DST: variants seen among roughly 807,000 people sequenced by gnomAD.
The protein encoded by DST is bullous pemphigoid antigen.
In DST, 253 loss-of-function variants were observed where a neutral mutation model predicts 875.2. The observed-to-expected ratio is 0.29, with a 90% CI of 0.26 to 0.32. The LOEUF (loss-of-function observed/expected upper bound fraction) is 0.32, where lower values mean the gene tolerates loss of function less well. Ranked by LOEUF, DST falls within the 10% of genes least tolerant of loss-of-function variation. The pLI is 1.00. For synonymous variants in DST, 3,124 were observed against 3,197.1 expected (o/e 0.98, Z 0.77); for missense variants, 8,287 against 9,111.6 (o/e 0.91, Z 3.68).
chr6:56,463,841 C>T (rs754883896), intron 100 of DST, 77 bp from the exon 101 acceptor site: 11 of 1,410,490 alleles, frequency 7.8e-6, no homozygotes, highest in Middle Eastern at 1.7e-4. Flanking sequence ...ATGGGAAGAA[C>T]GGCCACCTGG....
At chr6:56,570,062 A>T in intron 53 of DST, 50 bp from the exon 54 acceptor site, 2 of 1,258,562 alleles carry the variant, frequency 1.6e-6, no homozygotes, top group Non-Finnish European at 2.2e-6. Context: ...AGAAGAATAA[A>T]TAAATTATTA....
At chr6:56,892,674 A>G (rs753575737) in intron 3 of DST, among the ~76,000 whole-genome samples, 7 of 152,168 alleles carry the variant, frequency 4.6e-5, no homozygotes, top group Non-Finnish European at 1.0e-4. Context: ...CCATAAAGTA[A>G]TTATGCCTTA....
chr6:56,916,262 G>A (rs1043420123), intron 2 of DST, among the ~76,000 whole-genome samples: 1 of 152,212 alleles, frequency 6.6e-6, no homozygotes, highest in African/African-American at 2.4e-5. Flanking sequence ...ACAGCCATAA[G>A]AGGTAGAAGC....
At chr6:56,894,362 C>T in intron 3 of DST, among the ~76,000 whole-genome samples, 1 of 106,330 alleles carries the variant, frequency 9.4e-6, no homozygotes, top group Non-Finnish European at 1.8e-5. Context: ...GGGGCTGTTC[C>T]CCCCACCTCC....
At chr6:56,657,369 C>T (rs1028232626) in intron 10 of DST, among the ~76,000 whole-genome samples, 1 of 152,034 alleles carries the variant, frequency 6.6e-6, no homozygotes, top group Non-Finnish European at 1.5e-5. Flanking sequence ...TATGTTTGCC[C>T]AACTCTGGAG....
chr6:56,627,951 T>C, intron 33 of DST, 48 bp downstream of exon 33: 1 of 1,566,266 alleles, frequency 6.4e-7, no homozygotes, highest in African/African-American at 1.4e-5. Context: ...GGAGCATGAC[T>C]GACCAAATGC....
chr6:56,800,023 T>C (rs1271760719), intron 4 of DST, among the ~76,000 whole-genome samples: 1 of 152,226 alleles, frequency 6.6e-6, no homozygotes, highest in Non-Finnish European at 1.5e-5. Context: ...ATAACTTTTA[T>C]ATGCACCAAG....
intron 4 of DST, among the ~76,000 whole-genome samples, chr6:56,770,763 G>A (rs760196795): frequency 5.3e-5 from 8 of 152,152 alleles, no homozygotes; most frequent in Non-Finnish European, 1.0e-4. Flanking sequence ...CACTTTGGGA[G>A]GCCGAGGTGG....
intron 60 of DST, among the ~76,000 whole-genome samples, chr6:56,554,932 G>A (rs907477495): frequency 4.6e-5 from 7 of 152,278 alleles, no homozygotes; most frequent in South Asian, 4.1e-4. Flanking sequence ...CCTCTCTTTC[G>A]CACATTTCTC....
chr6:56,737,143 A>G (rs1246296524), intron 4 of DST, among the ~76,000 whole-genome samples: 4 of 152,232 alleles, frequency 2.6e-5, no homozygotes, highest in Admixed American at 2.6e-4. Flanking sequence ...GCAGTGAGCC[A>G]TGATGGCGCC....
intron 77 of DST, among the ~76,000 whole-genome samples, chr6:56,505,232 GCTA>G (rs1311101359): frequency 6.6e-6 from 1 of 152,142 alleles, no homozygotes; most frequent in African/African-American, 2.4e-5. Flanking sequence ...CACAGGTGAT[GCTA>G]CTAATACATG....
intron 4 of DST, among the ~76,000 whole-genome samples, chr6:56,812,096 T>C (rs1488300572): frequency 5.9e-5 from 1 of 16,982 alleles, no homozygotes; most frequent in African/African-American, 1.6e-4. Context: ...AAAGAGACTC[T>C]GACTCAAAAA....
At chr6:56,914,645 A>T (rs1404142597) in intron 2 of DST, among the ~76,000 whole-genome samples, 1 of 152,046 alleles carries the variant, frequency 6.6e-6, no homozygotes, top group African/African-American at 2.4e-5. Flanking sequence ...CTCAAAGTCT[A>T]TTTTTCTGGG....
chr6:56,786,604 C>A (rs891051693), intron 4 of DST, among the ~76,000 whole-genome samples: 1 of 152,204 alleles, frequency 6.6e-6, no homozygotes, highest in African/African-American at 2.4e-5. Context: ...ACAATCTGGG[C>A]TAACTGCAAC....
At chr6:56,880,155 A>G (rs941387229) in intron 3 of DST, among the ~76,000 whole-genome samples, 1 of 152,232 alleles carries the variant, frequency 6.6e-6, no homozygotes, top group African/African-American at 2.4e-5. Context: ...CTGACTTCTC[A>G]CCTTACAATT....
intron 4 of DST, among the ~76,000 whole-genome samples, chr6:56,778,714 C>T (rs2099685124): frequency 6.6e-6 from 1 of 151,880 alleles, no homozygotes; most frequent in South Asian, 2.1e-4. Flanking sequence ...TACATTAACT[C>T]ATCATTTTTT....
At position 56,618,003 on chromosome 6, in the gene DST, C is replaced by G. The variant is rs6459166; in HGVS notation, c.4930-3519G>C. The G allele has an allele frequency of 0.41, 664,467 of 1,612,726 alleles. 139,834 individuals carry two copies. Among genetic ancestry groups the G allele is most frequent in the African/African-American group, 0.55 (40,927 of 74,886 alleles). Reference sequence around the variant, plus strand: ...GAGTATACCTCTAAGGGTGTCAAAACCTTCACCAGTTCCATTTCACATGCG... The same window carrying G: ...GAGTATACCTCTAAGGGTGTCAAAAGCTTCACCAGTTCCATTTCACATGCG... On this transcript the variant is annotated intron_variant, in intron 36 of 103. Coordinates refer to ENST00000680361, the MANE Select transcript of DST (RefSeq NM_001374736.1).
rs1250870567 is a variant in DST, at chr6:56,516,129, GA to G, written c.18358-462del. Among the ~76,000 whole-genome samples, 123 of 76,922 alleles carry G rather than the reference GA, an allele frequency of 1.6e-3. No homozygotes were observed. The Middle Eastern group carries it at 0.04, about 25-fold the overall frequency. The allele number at this position is 76,922 out of a possible 152,430, so 50.5% of individuals were successfully genotyped here. On this transcript the variant is annotated intron_variant, in intron 71 of 103. Transcript: ENST00000680361. ...GTGTATATATATATAGAAAGAGAGAGAGGGAGAGAGAGAGAGAGAAAGAGAA... is the reference window on the plus strand; with the variant it reads ...GTGTATATATATATAGAAAGAGAGAGGGGAGAGAGAGAGAGAGAAAGAGAA...
intron 77 of DST, 122 bp from the exon 78 acceptor site, chr6:56,504,220 A>G (rs1396661570): frequency 1.9e-5 from 13 of 672,730 alleles, no homozygotes; most frequent in Non-Finnish European, 2.6e-5. Flanking sequence ...AGACTATTTT[A>G]TAAAAAATTA....
Sources: gnomAD v4.1 joint callset for allele counts (sites outside exome capture counted in the v4.1 genomes callset) on GRCh38, gnomAD v4.1.1 for gene constraint, MANE v1.5 for transcripts, NCBI Gene and HGNC (gene_info 2026-07-23, HGNC 2026-07-21) for gene names.